Variants in GPHN observed in about 807,000 individuals in gnomAD.
GPHN encodes gephyrin.
A neutral mutation model predicts 95.5 loss-of-function variants in GPHN; 17 were observed. That is an observed-to-expected ratio of 0.18 (90% CI 0.12 to 0.27). GPHN has a LOEUF of 0.27. GPHN is among the 10% of genes least tolerant of loss of function. The probability of loss-of-function intolerance (pLI) is 1.00; values close to 1 mark genes in which losing one functional copy is unlikely to be tolerated. For missense variants in GPHN, 660 were observed against 978.1 expected, an observed-to-expected ratio of 0.67 and a Z score of 4.34; for synonymous variants, 320 against 322.5, an observed-to-expected ratio of 0.99 and a Z score of 0.08.
chr14:67,190,227 C>CT, the GPHN span, among the ~76,000 whole-genome samples: 38,409 of 123,462 alleles, frequency 0.31, 9,400 homozygotes, highest in African/African-American at 0.66. Flanking sequence ...TTGTTCTTTT[C>CT]TTTTTTTTTT....
the GPHN span, among the ~76,000 whole-genome samples, chr14:67,452,257 A>C: frequency 5.8e-3 from 870 of 149,598 alleles, 9 homozygotes; most frequent in African/African-American, 0.021. Context: ...CGGAAGGCAG[A>C]GGTTGTAGTG....
At chr14:67,386,476 C>T in the GPHN span, 1 of 152,182 alleles carries the variant, frequency 6.6e-6, no homozygotes, top group Non-Finnish European at 1.5e-5. Flanking sequence ...TGCCAGATTA[C>T]TGTATAAACT....
At chr14:66,557,237 G>GTAGATAGA (rs201752462) in intron 1 of GPHN, among the ~76,000 whole-genome samples, 5,197 of 141,966 alleles carry the variant, frequency 0.037, 108 homozygotes, top group Non-Finnish European at 0.047. Flanking sequence ...ACATAGGTAG[G>GTAGATAGA]TAGATAGATA....
rs570929636 is a variant in GPHN at position 66,861,986 on chromosome 14, C to T, written c.295-17953C>T. On this transcript the variant is annotated intron_variant, in intron 4 of 22. Coordinates refer to ENST00000478722, the MANE Select transcript of GPHN (RefSeq NM_020806.5). ...AGTAGTAGAGGAAAAGAAAGAATAA[C>T]GATCAGAACAGAGATAAATGAATTT... 5.3e-5 allele frequency among the ~76,000 whole-genome samples: 8 copies of T among 151,630 alleles called. No homozygotes were observed. In the South Asian group the frequency reaches 6.3e-4, roughly 12 times the overall value.
intron 11 of GPHN, among the ~76,000 whole-genome samples, chr14:67,080,449 A>G (rs2076648331): frequency 6.6e-6 from 1 of 151,826 alleles, no homozygotes; most frequent in Non-Finnish European, 1.5e-5. Context: ...TTAGTTGCCT[A>G]TGTTTTTGGT....
At chr14:66,671,598 T>G (rs566713761) in intron 1 of GPHN, among the ~76,000 whole-genome samples, 22 of 152,204 alleles carry the variant, frequency 1.4e-4, no homozygotes, top group African/African-American at 4.1e-4. Flanking sequence ...ATTAATACCA[T>G]GAAATCTTTA....
chr14:66,797,736 G>A lies in GPHN; in HGVS notation c.201+21215G>A, dbSNP rs115101055. Among the ~76,000 whole-genome samples the A allele has an allele frequency of 3.9e-3, 593 of 151,900 alleles. 5 individuals are homozygous for A. The highest frequency in any genetic ancestry group is 0.014 in the African/African-American group (571 of 41,492). On this transcript the variant is annotated intron_variant, in intron 3 of 22. Transcript: ENST00000478722. Reference sequence around the variant, plus strand: ...AATAGTTTTCTTGTGTAGTCTTTAGGTTTTTCCACATATAATGTCATATCA... The same window carrying A: ...AATAGTTTTCTTGTGTAGTCTTTAGATTTTTCCACATATAATGTCATATCA...
At chr14:67,646,343 A>G in the GPHN span, 1 of 354,534 alleles carries the variant, frequency 2.8e-6, no homozygotes, top group Non-Finnish European at 5.1e-6. Flanking sequence ...GTAATGTGCA[A>G]TGGGATAGAA....
Position 67,126,343 on chromosome 14 carries a change from A to T in GPHN, c.1748+3966A>T, listed in dbSNP as rs1011223697. Among the ~76,000 whole-genome samples the T allele has an allele frequency of 2.0e-5, 3 of 152,218 alleles. No homozygotes were observed. In the South Asian group the frequency reaches 6.2e-4, roughly 32 times the overall value. ...CAATCCATAATTCTCTACTATCATT[A>T]TAAAGACAAGATATTGTATACCTGT... On this transcript the variant is annotated intron_variant, in intron 17 of 22. Coordinates refer to ENST00000478722, the MANE Select transcript of GPHN (RefSeq NM_020806.5).
chr14:66,716,322 T>G (rs2070177097), intron 2 of GPHN, among the ~76,000 whole-genome samples: 1 of 152,198 alleles, frequency 6.6e-6, no homozygotes, highest in Admixed American at 6.5e-5. Context: ...GAATAGCTAC[T>G]CCTGCTGGCT....
At chr14:67,491,908 G>A in the GPHN span, among the ~76,000 whole-genome samples, 3 of 152,208 alleles carry the variant, frequency 2.0e-5, no homozygotes, top group African/African-American at 7.2e-5. Context: ...GGCCTGCCTG[G>A]CATGGGGAAG....
intron 17 of GPHN, among the ~76,000 whole-genome samples, chr14:67,140,069 C>T (rs1192522594): frequency 1.3e-5 from 2 of 151,990 alleles, no homozygotes; most frequent in Admixed American, 6.6e-5. Context: ...AGGAAAAAAA[C>T]ATGTTTCCCA....
the GPHN span, among the ~76,000 whole-genome samples, chr14:67,283,021 T>G: frequency 6.6e-6 from 1 of 152,232 alleles, no homozygotes; most frequent in South Asian, 2.1e-4. Context: ...TATAAAATTG[T>G]TGTCTTTGAA....
the GPHN span, among the ~76,000 whole-genome samples, chr14:67,418,976 A>T: frequency 6.6e-6 from 1 of 151,940 alleles, no homozygotes; most frequent in Admixed American, 6.6e-5. Flanking sequence ...AGTGCCATCC[A>T]CCTTGCCACC....
At chr14:66,845,219 A>G (rs989338994) in intron 4 of GPHN, among the ~76,000 whole-genome samples, 3 of 152,186 alleles carry the variant, frequency 2.0e-5, no homozygotes, top group African/African-American at 7.2e-5. Context: ...TTTTGGTTAT[A>G]TAACTAGAAA....
the GPHN span, among the ~76,000 whole-genome samples, chr14:67,483,898 G>A: frequency 3.9e-5 from 6 of 152,196 alleles, no homozygotes; most frequent in Non-Finnish European, 8.8e-5. Flanking sequence ...CAAGCAAACC[G>A]CAGCAGGAGG....
At chr14:67,386,152 T>C in the GPHN span, 1 of 152,594 alleles carries the variant, frequency 6.6e-6, no homozygotes, top group Non-Finnish European at 1.5e-5. Context: ...CCTATCGATA[T>C]TCAAAAGGCA....
chr14:67,148,874 T>A (rs2081068692), intron 18 of GPHN, among the ~76,000 whole-genome samples: 1 of 151,726 alleles, frequency 6.6e-6, no homozygotes, highest in Admixed American at 6.6e-5. Flanking sequence ...CCAGTTTGCC[T>A]TTTTTATTCC....
At chr14:67,279,553 G>C in the GPHN span, 1 of 1,506,782 alleles carries the variant, frequency 6.6e-7, no homozygotes, top group East Asian at 2.3e-5. Flanking sequence ...TAAAAATAGA[G>C]GTATAACAGA....
Sources: allele counts gnomAD v4.1 joint callset (sites outside exome capture counted in the v4.1 genomes callset), GRCh38; gene constraint gnomAD v4.1.1; transcripts MANE v1.5; gene names NCBI Gene and HGNC (gene_info 2026-07-23, HGNC 2026-07-21).